Variants in GPHN observed in about 807,000 individuals in gnomAD.
GPHN encodes gephyrin.
Under a neutral mutation model 95.5 loss-of-function variants are expected in GPHN, and 17 were observed. The observed-to-expected ratio is 0.18, with a 90% CI of 0.12 to 0.27. The LOEUF is 0.27. Among genes scored for constraint, GPHN ranks in the 10% least tolerant of loss-of-function variants. The probability of loss-of-function intolerance (pLI) is 1.00; values close to 1 mark genes in which losing one functional copy is unlikely to be tolerated. For missense variants in GPHN, 660 were observed against 978.1 expected (o/e 0.67, Z 4.34); for synonymous variants, 320 against 322.5 (o/e 0.99, Z 0.08).
the GPHN span, chr14:67,725,139 G>C: frequency 1.2e-6 from 2 of 1,614,178 alleles, 1 homozygote; most frequent in South Asian, 2.2e-5. Context: ...TACTGAAGGG[G>C]GAGTCTGCTG....
the GPHN span, among the ~76,000 whole-genome samples, chr14:67,642,800 T>C: frequency 2.0e-5 from 2 of 101,436 alleles, no homozygotes; most frequent in African/African-American, 7.9e-5. Context: ...TTTCTTTTTT[T>C]TTTTTTTTTT....
At chr14:67,394,907 T>C in the GPHN span, among the ~76,000 whole-genome samples, 5 of 152,144 alleles carry the variant, frequency 3.3e-5, no homozygotes, top group Non-Finnish European at 7.4e-5. Context: ...GCCCCCTCAC[T>C]GTGTGATGCC....
At chr14:67,488,680 C>T in the GPHN span, 1 of 152,444 alleles carries the variant, frequency 6.6e-6, no homozygotes, top group Non-Finnish European at 1.5e-5. Context: ...GACTTCTCCC[C>T]ACCCTAGGCC....
chr14:67,343,785 G>A, the GPHN span, among the ~76,000 whole-genome samples: 1 of 152,176 alleles, frequency 6.6e-6, no homozygotes, highest in Non-Finnish European at 1.5e-5. Flanking sequence ...TGGGAGGATC[G>A]TTTGAGGCTG....
chr14:67,480,151 G>A, the GPHN span, among the ~76,000 whole-genome samples: 1 of 152,148 alleles, frequency 6.6e-6, no homozygotes, highest in Non-Finnish European at 1.5e-5. Context: ...TGTCATTTCT[G>A]GCACAGAGCC....
At chr14:67,080,573 A>C (rs2076654674) in intron 11 of GPHN, among the ~76,000 whole-genome samples, 1 of 151,894 alleles carries the variant, frequency 6.6e-6, no homozygotes, top group South Asian at 2.1e-4. Flanking sequence ...AGGTTGAGTT[A>C]ATTTTCTTTG....
At chr14:66,666,221 G>A (rs1469508549) in intron 1 of GPHN, among the ~76,000 whole-genome samples, 1 of 151,500 alleles carries the variant, frequency 6.6e-6, no homozygotes, top group African/African-American at 2.4e-5. Flanking sequence ...TGCACGTTGT[G>A]CACATGTACC....
chr14:67,068,362 A>G (rs1298932918), intron 11 of GPHN, among the ~76,000 whole-genome samples: 1 of 152,184 alleles, frequency 6.6e-6, no homozygotes, highest in African/African-American at 2.4e-5. Flanking sequence ...GCAAGTGAGG[A>G]TTTTAAGGAA....
intron 2 of GPHN, among the ~76,000 whole-genome samples, chr14:66,697,017 A>G (rs1457933834): frequency 6.6e-6 from 1 of 152,224 alleles, no homozygotes; most frequent in Non-Finnish European, 1.5e-5. Context: ...GTGGGAAAGT[A>G]ATGACTTATT....
Position 66,778,726 on chromosome 14 carries a change from CTTTTTTTTTTTTTT to C in GPHN, c.201+2220_201+2233del, listed in dbSNP as rs759940498. On this transcript the variant is annotated intron_variant, in intron 3 of 22. Coordinates refer to ENST00000478722, the MANE Select transcript of GPHN (RefSeq NM_020806.5). ...ATTCTATGACTCAAGACTCAAGGGG[CTTTTTTTTTTTTTT>C]TTTTTTTTTTTTTTGAGACAGTCTC... Among the ~76,000 whole-genome samples, 265 of 59,372 alleles carry C rather than the reference CTTTTTTTTTTTTTT, an allele frequency of 4.5e-3. 3 individuals are homozygous for C. Among genetic ancestry groups the C allele is most frequent in the African/African-American group, 0.019 (245 of 13,214 alleles). 39.0% of individuals were successfully genotyped at this position (59,372 alleles called of 152,430 possible).
At chr14:67,708,632 GT>G in the GPHN span, among the ~76,000 whole-genome samples, 2 of 151,978 alleles carry the variant, frequency 1.3e-5, no homozygotes, top group African/African-American at 2.4e-5. Context: ...AATTACAGGA[GT>G]TTCCCATGAT....
intron 1 of GPHN, among the ~76,000 whole-genome samples, chr14:66,518,512 A>C (rs1753019636): frequency 6.6e-6 from 1 of 152,196 alleles, no homozygotes; most frequent in Admixed American, 6.5e-5. Flanking sequence ...AAAGGAAATC[A>C]GTATATGGAA....
chr14:67,632,329 T>C, the GPHN span, among the ~76,000 whole-genome samples: 1 of 152,254 alleles, frequency 6.6e-6, no homozygotes, highest in Admixed American at 6.5e-5. Flanking sequence ...ACTGACTTGA[T>C]ATATCCATAA....
the GPHN span, among the ~76,000 whole-genome samples, chr14:67,732,162 T>C: frequency 7.2e-6 from 1 of 139,792 alleles, no homozygotes; most frequent in Non-Finnish European, 1.5e-5. Flanking sequence ...TAAGGCTGGG[T>C]GTGGCGGCTC....
At chr14:66,620,026 G>A (rs1478635895) in intron 1 of GPHN, among the ~76,000 whole-genome samples, 1 of 152,094 alleles carries the variant, frequency 6.6e-6, no homozygotes, top group Admixed American at 6.6e-5. Context: ...TGGATATATG[G>A]AGTGGGTGTG....
At chr14:66,739,445 T>G (rs2072603806) in intron 2 of GPHN, among the ~76,000 whole-genome samples, 1 of 151,222 alleles carries the variant, frequency 6.6e-6, no homozygotes, top group African/African-American at 2.4e-5. Context: ...CTCGATCTCC[T>G]GACCTCGTGA....
At chr14:67,634,855 G>T in the GPHN span, among the ~76,000 whole-genome samples, 1 of 152,166 alleles carries the variant, frequency 6.6e-6, no homozygotes, top group South Asian at 2.1e-4. Context: ...CTCTATTAAT[G>T]ACCAAACCTT....
intron 3 of GPHN, among the ~76,000 whole-genome samples, chr14:66,814,318 G>T (rs1483279601): frequency 6.6e-6 from 1 of 152,156 alleles, no homozygotes; most frequent in African/African-American, 2.4e-5. Context: ...CAGTGCAACA[G>T]CACAGTCTCT....
intron 9 of GPHN, among the ~76,000 whole-genome samples, chr14:66,965,993 C>G (rs1228081628): frequency 6.6e-6 from 1 of 152,004 alleles, no homozygotes; most frequent in East Asian, 1.9e-4. Context: ...ATTATTACTG[C>G]TGTGACTACT....
Sources: allele counts gnomAD v4.1 joint callset (sites outside exome capture counted in the v4.1 genomes callset), GRCh38; gene constraint gnomAD v4.1.1; transcripts MANE v1.5; gene names NCBI Gene and HGNC (gene_info 2026-07-23, HGNC 2026-07-21).